Variants in USP16 observed in about 807,000 individuals in gnomAD.
The protein encoded by USP16 is ubiquitin specific peptidase 16.
In USP16, 77 loss-of-function variants were observed where a neutral mutation model predicts 95.9. The observed-to-expected ratio is 0.80, with a 90% confidence interval of 0.67 to 0.97. The LOEUF (loss-of-function observed/expected upper bound fraction) is 0.97. Ranked by LOEUF, USP16 falls within the 50% of genes least tolerant of loss-of-function variation. USP16 has a pLI of 0.00. For synonymous variants in USP16, 303 were observed against 318.2 expected (o/e 0.95, Z 0.51); for missense variants, 943 against 959.9 (o/e 0.98, Z 0.23).
chr21:29,054,191 T>C lies in USP16; in HGVS notation c.*4T>C, dbSNP rs764881776. 6 of 1,607,890 alleles carry C rather than the reference T, an allele frequency of 3.7e-6. No individual in the cohort carries two copies. The South Asian group carries it at 5.6e-5, about 15-fold the overall frequency. On this transcript the variant is annotated 3_prime_UTR_variant, in exon 18 of 18. Coordinates refer to ENST00000399976, the MANE Select transcript of USP16 (RefSeq NM_006447.3). ...ATTTTATGAGAGAATACTGTAATAA[T>C]ATCAAAAGCACTTTTTCTGGAAACA...
At chr21:29,026,267 C>T (rs1419715108) in intron 1 of USP16, among the ~76,000 whole-genome samples, 1 of 151,990 alleles carries the variant, frequency 6.6e-6, no homozygotes, top group African/African-American at 2.4e-5. Context: ...ACCAGCATGG[C>T]CAAGATGGTG....
At chr21:29,041,683 G>A (rs2146382229) in intron 10 of USP16, among the ~76,000 whole-genome samples, 1 of 152,230 alleles carries the variant, frequency 6.6e-6, no homozygotes, top group African/African-American at 2.4e-5. Flanking sequence ...ACTCTGAGCT[G>A]TTCATTTTAT....
chr21:29,040,208 G>A (rs879738398), intron 9 of USP16, among the ~76,000 whole-genome samples: 4 of 152,130 alleles, frequency 2.6e-5, no homozygotes, highest in Non-Finnish European at 5.9e-5. Flanking sequence ...AATCTAGGCT[G>A]TAGAGAAGTT....
chr21:29,047,742 A>C (rs1389713218), intron 14 of USP16, among the ~76,000 whole-genome samples: 1 of 151,916 alleles, frequency 6.6e-6, no homozygotes, highest in Non-Finnish European at 1.5e-5. Flanking sequence ...GGGAGAAAGG[A>C]TCATACTGAC....
chr21:29,024,934 C>A, intron 1 of USP16, 157 bp downstream of exon 1: 1 of 749,004 alleles, frequency 1.3e-6, no homozygotes, highest in Non-Finnish European at 1.8e-6. Flanking sequence ...TCATTGGCTG[C>A]ATGTTCTGTC....
intron 9 of USP16, among the ~76,000 whole-genome samples, 160 bp downstream of exon 9, chr21:29,039,728 A>G (rs1263761814): frequency 6.6e-6 from 1 of 152,216 alleles, no homozygotes; most frequent in African/African-American, 2.4e-5. Flanking sequence ...TGTTTTCACC[A>G]TTAGAATGAA....
chr21:29,045,575 T>TC (rs1223521297), intron 13 of USP16, among the ~76,000 whole-genome samples: 2 of 152,086 alleles, frequency 1.3e-5, no homozygotes, highest in Non-Finnish European at 2.9e-5. Flanking sequence ...TTTTTTTTTT[T>TC]CTCTCAGTGA....
chr21:29,052,505 GATGGGAAAGACCTGCTCCC>G (rs1200149848), intron 16 of USP16: 1 of 152,176 alleles, frequency 6.6e-6, no homozygotes, highest in Non-Finnish European at 1.5e-5. Flanking sequence ...CAAGAATAAG[GATGGGAAAGACCTGCTCCC>G]ATGATTCAGT....
At chr21:29,048,513 C>T (rs1457438238) in intron 14 of USP16, among the ~76,000 whole-genome samples, 1 of 152,164 alleles carries the variant, frequency 6.6e-6, no homozygotes, top group Non-Finnish European at 1.5e-5. Flanking sequence ...TGTAATCATT[C>T]TCAGTTATTA....
chr21:29,051,869 A>G (rs16983662), intron 16 of USP16, among the ~76,000 whole-genome samples: 2,371 of 151,950 alleles, frequency 0.016, 54 homozygotes, highest in African/African-American at 0.054. Context: ...TGTGATGGGC[A>G]TAATGGAAGA....
At chr21:29,025,990 A>G (rs1308817113) in intron 1 of USP16, among the ~76,000 whole-genome samples, 1 of 152,282 alleles carries the variant, frequency 6.6e-6, no homozygotes, top group Non-Finnish European at 1.5e-5. Flanking sequence ...TGACTAGAGC[A>G]TACCATAAAT....
intron 4 of USP16, among the ~76,000 whole-genome samples, chr21:29,035,813 G>A (rs979135617): frequency 6.6e-6 from 1 of 152,058 alleles, no homozygotes; most frequent in Non-Finnish European, 1.5e-5. Flanking sequence ...CAGCTACTCG[G>A]GAGGCTGAGG....
In USP16 at chr21:29,054,144, T is replaced by G; in HGVS notation, c.2429T>G (p.Leu810Arg). The change falls in exon 18 of 18, where the codon CTA (leucine) becomes CGA (arginine). Residue 810 changes from leucine to arginine, a missense_variant. Physicochemically the swap from Leu to Arg is moderately radical, Grantham distance 102. Coordinates refer to ENST00000399976, the MANE Select transcript of USP16 (RefSeq NM_006447.3). Reference protein sequence around the residue: ...HVQAVPTTKVLNSQAYLLFYE... With the variant: ...HVQAVPTTKVRNSQAYLLFYE... The stretch of plus-strand genomic sequence containing the variant: ...CAAGCTGTGCCTACAACTAAAGTAC[T>G]AAACTCACAAGCGTACCTCCTATTT... 1 of 1,614,216 alleles carries G rather than the reference T, an allele frequency of 6.2e-7. No individual in the cohort carries two copies. The highest frequency in any genetic ancestry group is 8.5e-7 in the Non-Finnish European group (1 of 1,180,010).
chr21:29,039,255 C>T, intron 8 of USP16, 99 bp downstream of exon 8: 2 of 1,189,818 alleles, frequency 1.7e-6, no homozygotes, highest in Non-Finnish European at 2.1e-6. Context: ...AATAGCATTA[C>T]ATTTAGTCAA....
intron 4 of USP16, among the ~76,000 whole-genome samples, chr21:29,035,673 G>T (rs1019230477): frequency 9.2e-5 from 14 of 151,960 alleles, no homozygotes; most frequent in Admixed American, 9.2e-4. Flanking sequence ...ATGAGCCACC[G>T]TGCCTGGCTT....
intron 3 of USP16, among the ~76,000 whole-genome samples, chr21:29,033,726 G>A (rs1356240905): frequency 6.6e-6 from 1 of 152,150 alleles, no homozygotes; most frequent in Non-Finnish European, 1.5e-5. Context: ...GGTGAGAAAG[G>A]ATATAAATAT....
intron 4 of USP16, among the ~76,000 whole-genome samples, chr21:29,035,780 A>G (rs1198420505): frequency 6.6e-6 from 1 of 151,626 alleles, no homozygotes; most frequent in Non-Finnish European, 1.5e-5. Flanking sequence ...GTAGCTGGGC[A>G]TGGTGGTGGG....
Position 29,034,853 on chromosome 21 carries a change from C to T in USP16, c.257C>T (p.Ser86Phe), listed in dbSNP as rs779679589. The change falls in exon 4 of 18, where the codon TCT becomes TTT. Residue 86 changes from serine (S) to phenylalanine (F), a missense_variant. Physicochemically the swap from Ser to Phe is radical, Grantham distance 155 (BLOSUM62 -2). Transcript: ENST00000399976. ...TTTTTTTAGGGCTGTGGCAGAAATT[C>T]TCAGGAGCAGCATGCCTTGAAGCAC... Reference protein sequence around the residue: ...KCGHQGCGRNSQEQHALKHYL... With the variant: ...KCGHQGCGRNFQEQHALKHYL... The T allele has an allele frequency of 3.7e-6, 6 of 1,613,910 alleles. No homozygotes were observed. Among genetic ancestry groups the T allele is most frequent in the Non-Finnish European group, 5.1e-6 (6 of 1,179,912 alleles).
At position 29,050,095 on chromosome 21, in the gene USP16, G is replaced by A. The variant is rs1441705147; in HGVS notation, c.2110G>A (p.Gly704Ser). The A allele has an allele frequency of 5.0e-6, 8 of 1,611,716 alleles. No homozygotes were observed. The highest frequency in any genetic ancestry group is 5.9e-6 in the Non-Finnish European group (7 of 1,179,276). Residue 704 changes from glycine (G) to serine (S), a missense_variant, in exon 16 of 18, where the codon GGT becomes AGT. Physicochemically the swap from Gly to Ser is moderately conservative, Grantham distance 56 (BLOSUM62 0). Coordinates refer to ENST00000399976, the MANE Select transcript of USP16 (RefSeq NM_006447.3). ...TLHLKRFQQA[G>S]FNLRKVNKHI... is the part of the protein sequence containing the mutation. Reference sequence around the variant, plus strand: ...ATCTGTTATGCTTCTCTTTTAGGCTGGTTTTAACCTACGCAAAGTTAACAA... The same window carrying A: ...ATCTGTTATGCTTCTCTTTTAGGCTAGTTTTAACCTACGCAAAGTTAACAA...
Sources: gnomAD v4.1 joint callset for allele counts (sites outside exome capture counted in the v4.1 genomes callset) on GRCh38, gnomAD v4.1.1 for gene constraint, MANE v1.5 for transcripts, NCBI Gene and HGNC (gene_info 2026-07-23, HGNC 2026-07-21) for gene names.